Variants in TIPRL observed in about 807,000 individuals in gnomAD.
The protein encoded by TIPRL is TOR signaling pathway regulator, also known as TIP41-like protein.
Under a neutral mutation model 32.3 loss-of-function variants are expected in TIPRL, and 10 were observed. The ratio of observed to expected loss-of-function variants is 0.31; its 90% CI spans 0.19 to 0.52. The LOEUF (loss-of-function observed/expected upper bound fraction) is 0.52. Ranked by LOEUF, TIPRL falls within the 20% of genes least tolerant of loss-of-function variation. The pLI is 0.96. For missense variants in TIPRL, 250 were observed against 328.1 expected (o/e 0.76, Z 1.84); for synonymous variants, 100 against 114.0 (o/e 0.88, Z 0.78).
chr1:168,184,839 TTA>T lies in TIPRL; in HGVS notation c.348_349del (p.Tyr116Ter). 2 of 1,612,230 alleles carry T rather than the reference TTA, an allele frequency of 1.2e-6. No individual in the cohort carries two copies. Among genetic ancestry groups the T allele is most frequent in the Non-Finnish European group, 1.7e-6 (2 of 1,178,992 alleles). ...KPYDWTYTTD[Y>X]KGTLLGESLK... ...CATATGATTGGACCTATACAACAGA[TTA>T]TAAGGGAACCTTACTTGGAGAATCT... On this transcript the variant is annotated frameshift_variant, in exon 3 of 7. Transcript: ENST00000367833. LOFTEE classifies it high-confidence loss of function.
In TIPRL at chr1:168,196,509, T is replaced by G. The variant is rs375066020; in HGVS notation, c.517-38T>G. The G allele has an allele frequency of 1.2e-4, 171 of 1,401,802 alleles. No homozygotes were observed. In the African/African-American group the frequency reaches 2.2e-3, roughly 18 times the overall value. 86.8% of individuals were successfully genotyped at this position (1,401,802 alleles called of 1,614,324 possible). A position where few individuals can be genotyped will look rare whatever the true frequency, so the allele number is the denominator to read the frequency against. On this transcript the variant is annotated intron_variant, in intron 4 of 6. Coordinates refer to ENST00000367833, the MANE Select transcript of TIPRL (RefSeq NM_152902.5). ...AGCAAAGTAATAAAATGTTTAATTTTTATTAAAATATTAATGTACCTTTTT... is the reference window on the plus strand; with the variant it reads ...AGCAAAGTAATAAAATGTTTAATTTGTATTAAAATATTAATGTACCTTTTT...
At position 168,191,463 on chromosome 1, in the gene TIPRL, T is replaced by G. The variant is rs767516821; in HGVS notation, c.479T>G (p.Leu160Arg). 2.0e-5 allele frequency: 31 copies of G among 1,525,124 alleles called. No homozygotes were observed. The highest frequency in any genetic ancestry group is 2.7e-5 in the Non-Finnish European group (31 of 1,147,454). 94.5% of individuals were successfully genotyped at this position (1,525,124 alleles called of 1,614,324 possible). The change falls in exon 4 of 7, where the codon CTT (leucine) becomes CGT (arginine). Residue 160 changes from leucine (L) to arginine (R), a missense_variant. Transcript: ENST00000367833. ...FEEVLLFEDE[L>R]HDHGVSSLSV... is the part of the protein sequence containing the mutation. ...GAAGTTCTCCTTTTTGAGGATGAAC[T>G]TCATGATCATGGAGTTTCAAGCCTG...
intron 3 of TIPRL, among the ~76,000 whole-genome samples, chr1:168,186,234 G>A (rs370798653): frequency 7.8e-4 from 119 of 152,276 alleles, no homozygotes; most frequent in South Asian, 1.9e-3. Context: ...AATGGCTCAC[G>A]CCTGTAATCC....
At chr1:168,191,643 G>A (rs777903478) in intron 4 of TIPRL, 143 bp downstream of exon 4, 11 of 583,924 alleles carry the variant, frequency 1.9e-5, no homozygotes, top group Admixed American at 1.9e-4. Flanking sequence ...AGGCTGAGGC[G>A]GGCTGGATCG....
chr1:168,184,759 T>C lies in TIPRL; in HGVS notation c.285-20T>C. On this transcript the variant is annotated intron_variant, in intron 2 of 6. Transcript: ENST00000367833. ...TATTCTGCATCACTGAATCTGATCC[T>C]TCTCATTTTGGTATTTGAGGACGGA... 6.6e-7 allele frequency: 1 copy of C among 1,512,316 alleles called. No homozygotes were observed. The highest frequency in any genetic ancestry group is 9.2e-7 in the Non-Finnish European group (1 of 1,091,084). The allele number at this position is 1,512,316 out of a possible 1,614,324, so 93.7% of individuals were successfully genotyped here. A position where few individuals can be genotyped will look rare whatever the true frequency, so the allele number is the denominator to read the frequency against.
Position 168,200,086 on chromosome 1 carries a change from A to G in TIPRL, c.*40A>G. 1.3e-6 allele frequency: 2 copies of G among 1,596,098 alleles called. No individual in the cohort carries two copies. The highest frequency in any genetic ancestry group is 8.5e-7 in the Non-Finnish European group (1 of 1,171,648). ...TATACTCACTATGGAATCTGACTGGACACCTTGGCTATTTGTAAGGGGTTA... is the reference window on the plus strand; with the variant it reads ...TATACTCACTATGGAATCTGACTGGGCACCTTGGCTATTTGTAAGGGGTTA... On this transcript the variant is annotated 3_prime_UTR_variant, in exon 7 of 7. Transcript: ENST00000367833.
intron 4 of TIPRL, among the ~76,000 whole-genome samples, chr1:168,196,179 T>C (rs1266298684): frequency 6.6e-6 from 1 of 152,212 alleles, no homozygotes; most frequent in African/African-American, 2.4e-5. Flanking sequence ...GACAAAGAAC[T>C]AGGTTGTTCT....
chr1:168,187,843 G>C (rs892140149), intron 3 of TIPRL, among the ~76,000 whole-genome samples: 1 of 152,144 alleles, frequency 6.6e-6, no homozygotes, highest in South Asian at 2.1e-4. Flanking sequence ...CTGGTGGCAC[G>C]TGTCTATAGT....
chr1:168,183,092 TCTTA>T (rs1370523059), intron 1 of TIPRL, among the ~76,000 whole-genome samples: 4 of 152,190 alleles, frequency 2.6e-5, no homozygotes, highest in Non-Finnish European at 5.9e-5. Flanking sequence ...CCAGTTTTTT[TCTTA>T]CTATTTTATC....
chr1:168,200,301 G>A lies in TIPRL; in HGVS notation c.*255G>A. 2.7e-6 allele frequency: 1 copy of A among 374,732 alleles called. No individual in the cohort carries two copies. Among genetic ancestry groups the A allele is most frequent in the East Asian group, 5.3e-5 (1 of 18,812 alleles). The allele number at this position is 374,732 out of a possible 1,614,324, so 23.2% of individuals were successfully genotyped here. On this transcript the variant is annotated 3_prime_UTR_variant, in exon 7 of 7. Coordinates refer to ENST00000367833, the MANE Select transcript of TIPRL (RefSeq NM_152902.5). ...TGATTTCTAAATTATCACAAAGTGG[G>A]ACCTCAGCAGTAGTGATGTGTGTGT...
intron 1 of TIPRL, among the ~76,000 whole-genome samples, chr1:168,181,815 C>T (rs1173178822): frequency 1.3e-5 from 2 of 150,328 alleles, no homozygotes; most frequent in East Asian, 2.0e-4. Flanking sequence ...AATCCCAGCA[C>T]TTTGGGAGGC....
At chr1:168,191,176 A>G (rs1378182539) in intron 3 of TIPRL, among the ~76,000 whole-genome samples, 193 bp from the exon 4 acceptor site, 2 of 152,186 alleles carry the variant, frequency 1.3e-5, no homozygotes, top group African/African-American at 2.4e-5. Flanking sequence ...GGCATCTGTA[A>G]TGTCTTCAGT....
At chr1:168,192,980 A>G (rs116371150) in intron 4 of TIPRL, among the ~76,000 whole-genome samples, 1,887 of 152,330 alleles carry the variant, frequency 0.012, 34 homozygotes, top group African/African-American at 0.043. Flanking sequence ...AACATCAAAC[A>G]TTGTTCTTGG....
chr1:168,191,383 A>T lies in TIPRL; in HGVS notation c.399A>T (p.Thr133=). 1 of 1,532,242 alleles carries T rather than the reference A, an allele frequency of 6.5e-7. No homozygotes were observed. Among genetic ancestry groups the T allele is most frequent in the Non-Finnish European group, 8.7e-7 (1 of 1,152,644 alleles). 94.9% of individuals were successfully genotyped at this position (1,532,242 alleles called of 1,614,324 possible). ...TTTTCTTTCAGGTTGTACCTACAAC[A>T]GATCATATAGATACAGAAAAATTGA... The part of the protein sequence containing the change: ...ESLKLKVVPT[T]DHIDTEKLKA... Residue 133 remains threonine (T), a synonymous_variant, in exon 4 of 7, where the codon ACA becomes ACT. Transcript: ENST00000367833.
At chr1:168,196,442 T>C (rs1001075815) in intron 4 of TIPRL, 105 bp from the exon 5 acceptor site, 3 of 689,526 alleles carry the variant, frequency 4.4e-6, no homozygotes, top group Non-Finnish European at 6.5e-6. Flanking sequence ...TTCAGCCTTA[T>C]TCCAGGGTTT....
intron 3 of TIPRL, among the ~76,000 whole-genome samples, chr1:168,190,708 A>T (rs111791737): frequency 0.027 from 4,172 of 152,304 alleles, 75 homozygotes; most frequent in African/African-American, 0.036. Context: ...GAGACACTTG[A>T]GTTTAATGAG....
chr1:168,183,377 A>ATTTTTTTT lies in TIPRL; in HGVS notation c.105-517_105-510dup, dbSNP rs55731463. Among the ~76,000 whole-genome samples the ATTTTTTTT allele has an allele frequency of 8.6e-4, 111 of 129,730 alleles. 3 individuals are homozygous for ATTTTTTTT. The highest frequency in any genetic ancestry group is 2.8e-3 in the African/African-American group (94 of 33,290). 85.1% of individuals were successfully genotyped at this position (129,730 alleles called of 152,430 possible). A position where few individuals can be genotyped will look rare whatever the true frequency, so the allele number is the denominator to read the frequency against. On this transcript the variant is annotated intron_variant, in intron 1 of 6. Transcript: ENST00000367833. Reference sequence around the variant, plus strand: ...GTGTAAATTATGTTAAATTCCTGTGATTTTTTTTTTTTTTTGCTTGATTGT... The same window carrying ATTTTTTTT: ...GTGTAAATTATGTTAAATTCCTGTGATTTTTTTTTTTTTTTTTTTTTTTGCTTGATTGT...
chr1:168,194,698 T>C (rs1700134730), intron 4 of TIPRL, among the ~76,000 whole-genome samples: 1 of 152,246 alleles, frequency 6.6e-6, no homozygotes, highest in East Asian at 1.9e-4. Context: ...AGTCTGTTGC[T>C]GATAACCCCA....
At chr1:168,196,379 A>C (rs184826429) in intron 4 of TIPRL, among the ~76,000 whole-genome samples, 168 bp from the exon 5 acceptor site, 1 of 152,236 alleles carries the variant, frequency 6.6e-6, no homozygotes, top group Non-Finnish European at 1.5e-5. Flanking sequence ...TTTTGAGGCT[A>C]GTTGGAGCTA....
Sources: allele counts gnomAD v4.1 joint callset (sites outside exome capture counted in the v4.1 genomes callset), GRCh38; gene constraint gnomAD v4.1.1; transcripts MANE v1.5; gene names NCBI Gene and HGNC (gene_info 2026-07-23, HGNC 2026-07-21).